KIR2DL1: variants seen among roughly 807,000 people sequenced by gnomAD.
The protein encoded by KIR2DL1 is killer cell immunoglobulin like receptor, two Ig domains and long cytoplasmic tail 1.
A neutral mutation model predicts 33.9 loss-of-function variants in KIR2DL1; 38 were observed. The ratio of observed to expected loss-of-function variants is 1.12; its 90% CI spans 0.86 to 1.47. The LOEUF (loss-of-function observed/expected upper bound fraction) is 1.47. KIR2DL1 is among the 40% of genes most tolerant of loss of function. The pLI is 0.00. For synonymous variants in KIR2DL1, 179 were observed against 165.9 expected, an observed-to-expected ratio of 1.08 and a Z score of -0.61; for missense variants, 531 against 433.9, an observed-to-expected ratio of 1.22 and a Z score of -1.99.
Position 54,775,594 on chromosome 19 carries a change from A to C in KIR2DL1, c.664+136A>C, listed in dbSNP as rs1180983442. 3.8e-4 allele frequency: 469 copies of C among 1,242,080 alleles called. No individual in the cohort carries two copies. In the African/African-American group the frequency reaches 6.7e-3, roughly 18 times the overall value. The allele number at this position is 1,242,080 out of a possible 1,614,324, so 76.9% of individuals were successfully genotyped here. ...CTCGGTGTGAGGGAGGGATCAGGGC[A>C]CAGGATGGCCGACAGGGCACCTCCA... On this transcript the variant is annotated intron_variant, in intron 4 of 7. Transcript: ENST00000336077.
intron 2 of KIR2DL1, among the ~76,000 whole-genome samples, chr19:54,772,131 G>C (rs2075802707): frequency 6.7e-6 from 1 of 148,176 alleles, no homozygotes; most frequent in African/African-American, 2.5e-5. Flanking sequence ...TGAAGGAGAA[G>C]ATGGAGCTCA....
At chr19:54,780,594 C>T (rs991911916) in intron 5 of KIR2DL1, among the ~76,000 whole-genome samples, 26 of 144,862 alleles carry the variant, frequency 1.8e-4, no homozygotes, top group Admixed American at 7.1e-4. Flanking sequence ...AAGGGAGGCC[C>T]AGGTGCATAA....
In KIR2DL1 at chr19:54,770,357, T is replaced by C. The variant is rs1282774662; in HGVS notation, c.34+473T>C. 1.5e-5 allele frequency among the ~76,000 whole-genome samples: 2 copies of C among 135,910 alleles called. 1 individual carries two copies. Among genetic ancestry groups the C allele is most frequent in the South Asian group, 4.7e-4 (2 of 4,218 alleles). The allele number at this position is 135,910 out of a possible 152,430, so 89.2% of individuals were successfully genotyped here. On this transcript the variant is annotated intron_variant, in intron 1 of 7. Coordinates refer to ENST00000336077, the MANE Select transcript of KIR2DL1 (RefSeq NM_014218.3). ...TGGAGATATGGGCCAGGAGTGGAGA[T>C]ATGGGCCTAGAGGTCGATATCTGGG...
At chr19:54,774,165 C>G (rs900028097) in intron 3 of KIR2DL1, among the ~76,000 whole-genome samples, 5 of 148,668 alleles carry the variant, frequency 3.4e-5, no homozygotes, top group African/African-American at 1.2e-4. Flanking sequence ...GCTGTGTGAA[C>G]TTGTAGTCTC....
chr19:54,781,716 G>T (rs574151725), intron 5 of KIR2DL1, among the ~76,000 whole-genome samples: 1 of 150,884 alleles, frequency 6.6e-6, no homozygotes, highest in Non-Finnish European at 1.5e-5. Context: ...AAGAGCAGCA[G>T]GTTTCACACG....
chr19:54,777,087 T>C (rs1270311302), intron 4 of KIR2DL1, among the ~76,000 whole-genome samples: 5 of 151,560 alleles, frequency 3.3e-5, no homozygotes, highest in African/African-American at 9.7e-5. Flanking sequence ...AAAGCCATTT[T>C]ATTTTATTTC....
rs761434426 is a variant in KIR2DL1 at position 54,775,183 on chromosome 19, C to T, written c.389C>T (p.Ser130Phe). The T allele has an allele frequency of 6.3e-7, 1 of 1,585,866 alleles. No individual in the cohort carries two copies. The highest frequency in any genetic ancestry group is 2.2e-5 in the East Asian group (1 of 44,820). Residue 130 changes from serine (S) to phenylalanine (F), a missense_variant, in exon 4 of 8, where the codon TCT becomes TTT. By Grantham distance (155) the Ser-to-Phe change is radical (BLOSUM62 -2). Coordinates refer to ENST00000336077, the MANE Select transcript of KIR2DL1 (RefSeq NM_014218.3). ...CTTCCAGGTCTATATGAGAAACCTTCTCTCTCAGCCCAGCTGGGCCCCACG... is the reference window on the plus strand; with the variant it reads ...CTTCCAGGTCTATATGAGAAACCTTTTCTCTCAGCCCAGCTGGGCCCCACG... ...IVIIGLYEKP[S>F]LSAQLGPTVL...
intron 5 of KIR2DL1, 29 bp from the exon 6 acceptor site, chr19:54,782,893 C>T: frequency 6.3e-7 from 1 of 1,598,794 alleles, no homozygotes; most frequent in Non-Finnish European, 8.6e-7. Flanking sequence ...CTAAGATTAG[C>T]TTCTTATTGG....
At chr19:54,777,813 T>G (rs1359692023) in intron 4 of KIR2DL1, among the ~76,000 whole-genome samples, 1 of 148,816 alleles carries the variant, frequency 6.7e-6, no homozygotes, top group Admixed American at 6.8e-5. Context: ...GGCCTTAGAC[T>G]CACATCTTTA....
In KIR2DL1 at chr19:54,774,722, GGATA is replaced by G. The variant is rs746161541; in HGVS notation, c.371-436_371-433del. On this transcript the variant is annotated intron_variant, in intron 3 of 7. Coordinates refer to ENST00000336077, the MANE Select transcript of KIR2DL1 (RefSeq NM_014218.3). ...TAGATATAGATAATAGATGATTGAT[GGATA>G]GATAGACAATTGATGGATAAATAGA... Among the ~76,000 whole-genome samples, 193 of 147,684 alleles carry G rather than the reference GGATA, an allele frequency of 1.3e-3. 3 individuals carry two copies. Among genetic ancestry groups the G allele is most frequent in the Middle Eastern group, 3.5e-3 (1 of 288 alleles).
intron 4 of KIR2DL1, among the ~76,000 whole-genome samples, chr19:54,777,112 T>C (rs1342475420): frequency 6.6e-6 from 1 of 151,742 alleles, no homozygotes; most frequent in Non-Finnish European, 1.5e-5. Context: ...TATTTTGAGA[T>C]GGAGTTTTGC....
At chr19:54,776,267 C>G (rs1272144382) in intron 4 of KIR2DL1, among the ~76,000 whole-genome samples, 1 of 146,542 alleles carries the variant, frequency 6.8e-6, no homozygotes, top group Admixed American at 6.9e-5. Flanking sequence ...ATTTTTTTTA[C>G]CCTCCACCCT....
rs557938555 is a variant in KIR2DL1, at chr19:54,783,202, G to A, written c.817+179G>A. Among the ~76,000 whole-genome samples the A allele has an allele frequency of 3.1e-3, 465 of 151,132 alleles. 2 individuals carry two copies. Among genetic ancestry groups the A allele is most frequent in the African/African-American group, 0.011 (430 of 40,926 alleles). On this transcript the variant is annotated intron_variant, in intron 6 of 7. Coordinates refer to ENST00000336077, the MANE Select transcript of KIR2DL1 (RefSeq NM_014218.3). Reference sequence around the variant, plus strand: ...TGTCCCTGCCTTCAACTCACAGACCGTTGCCTGATTCTGAACTGTATCCCC... The same window carrying A: ...TGTCCCTGCCTTCAACTCACAGACCATTGCCTGATTCTGAACTGTATCCCC...
intron 1 of KIR2DL1, among the ~76,000 whole-genome samples, chr19:54,770,169 G>C (rs1459304819): frequency 3.8e-4 from 55 of 146,350 alleles, no homozygotes; most frequent in Non-Finnish European, 7.0e-4. Context: ...GGAGATATGG[G>C]CCTGGAGGTG....
chr19:54,778,765 T>C (rs2295808), intron 5 of KIR2DL1, 103 bp downstream of exon 5: 202,169 of 983,658 alleles, frequency 0.21, 22,158 homozygotes, highest in South Asian at 0.37. Flanking sequence ...CATTGTACAC[T>C]TGTCTTCCAC....
rs1488197524 is a variant in KIR2DL1, at chr19:54,780,757, T to G, written c.715+2095T>G. ...AAAGGCTTACTGGGTTTGATTTTCC[T>G]ACTTGTTTAATCCTCGCTTAATTAA... is the stretch of plus-strand genomic sequence containing the variant. On this transcript the variant is annotated intron_variant, in intron 5 of 7. Transcript: ENST00000336077. 2.2e-5 allele frequency among the ~76,000 whole-genome samples: 3 copies of G among 135,742 alleles called. 1 individual carries two copies. The highest frequency in any genetic ancestry group is 8.1e-5 in the African/African-American group (3 of 37,198). 89.1% of individuals were successfully genotyped at this position (135,742 alleles called of 152,430 possible). A position where few individuals can be genotyped will look rare whatever the true frequency, so the allele number is the denominator to read the frequency against.
At position 54,783,505 on chromosome 19, in the gene KIR2DL1, A is replaced by G. The variant is rs2077286802; in HGVS notation, c.837A>G (p.Gln279=). The G allele has an allele frequency of 4.3e-6, 7 of 1,613,660 alleles. No homozygotes were observed. The Admixed American group carries it at 1.2e-4, about 27-fold the overall frequency. The change falls in exon 7 of 8, where the codon CAA becomes CAG. Residue 279 remains glutamine (Q), a synonymous_variant. Coordinates refer to ENST00000336077, the MANE Select transcript of KIR2DL1 (RefSeq NM_014218.3). ...CTACAGATGCTGCGGTAATGGACCA[A>G]GAGTCTGCAGGAAACAGAACAGCGA... ...SNKKNAAVMD[Q]ESAGNRTANS... is the part of the protein sequence containing the mutation.
intron 2 of KIR2DL1, among the ~76,000 whole-genome samples, chr19:54,771,494 G>A (rs1487561501): frequency 6.8e-6 from 1 of 147,368 alleles, no homozygotes; most frequent in Non-Finnish European, 1.5e-5. Context: ...TTAGCCCTGG[G>A]CACCAAGGTG....
chr19:54,779,233 G>A (rs1290608090), intron 5 of KIR2DL1, among the ~76,000 whole-genome samples: 10 of 148,318 alleles, frequency 6.7e-5, no homozygotes, highest in African/African-American at 2.0e-4. Flanking sequence ...CACAAGATTC[G>A]TGGGTGAAAA....
Sources: gnomAD v4.1 joint callset for allele counts (sites outside exome capture counted in the v4.1 genomes callset) on GRCh38, gnomAD v4.1.1 for gene constraint, MANE v1.5 for transcripts, NCBI Gene and HGNC (gene_info 2026-07-23, HGNC 2026-07-21) for gene names.